GRM7: variants seen among roughly 807,000 people sequenced by gnomAD.
GRM7 encodes metabotropic glutamate receptor 7.
A neutral mutation model predicts 84.5 loss-of-function variants in GRM7; 35 were observed. The observed-to-expected ratio is 0.41, with a 90% confidence interval of 0.32 to 0.55. The LOEUF (loss-of-function observed/expected upper bound fraction) is 0.55. Ranked by LOEUF, GRM7 falls within the 20% of genes least tolerant of loss-of-function variation. GRM7 has a pLI of 0.19. For missense variants in GRM7, 1,003 were observed against 1,194.6 expected (o/e 0.84, Z 2.36); for synonymous variants, 487 against 455.1 (o/e 1.07, Z -0.89).
At chr3:7,157,714 ATTT>A (rs57023783) in intron 2 of GRM7, among the ~76,000 whole-genome samples, 5 of 146,944 alleles carry the variant, frequency 3.4e-5, no homozygotes, top group African/African-American at 1.2e-4. Context: ...ATGCTATTTC[ATTT>A]TTTTTTTTTT....
chr3:7,415,698 C>T (rs372879580), intron 5 of GRM7, among the ~76,000 whole-genome samples: 4 of 152,092 alleles, frequency 2.6e-5, no homozygotes, highest in Admixed American at 1.3e-4. Flanking sequence ...AGAAAAATCA[C>T]ACATTCATTC....
intron 5 of GRM7, among the ~76,000 whole-genome samples, chr3:7,449,228 T>TATTTATAGAAAAATA: frequency 6.6e-6 from 1 of 152,030 alleles, no homozygotes; most frequent in Non-Finnish European, 1.5e-5. Context: ...AATAACACCA[T>TATTTATAGAAAAATA]ACTTATAATA....
At chr3:7,656,232 G>T (rs1699171723) in intron 8 of GRM7, among the ~76,000 whole-genome samples, 1 of 152,096 alleles carries the variant, frequency 6.6e-6, no homozygotes, top group African/African-American at 2.4e-5. Flanking sequence ...GCTCACTCCT[G>T]TAAGCCCAGC....
chr3:6,873,906 T>A (rs1310073313), intron 1 of GRM7, among the ~76,000 whole-genome samples: 1 of 152,192 alleles, frequency 6.6e-6, no homozygotes, highest in African/African-American at 2.4e-5. Context: ...GATTGTTTCA[T>A]CTCTTCTTCA....
At chr3:7,546,047 A>C (rs2125020059) in intron 7 of GRM7, among the ~76,000 whole-genome samples, 1 of 152,302 alleles carries the variant, frequency 6.6e-6, no homozygotes, top group African/African-American at 2.4e-5. Flanking sequence ...ATTACTAATT[A>C]GTTATTATTA....
At chr3:6,891,547 G>A (rs1383202280) in intron 1 of GRM7, among the ~76,000 whole-genome samples, 3 of 152,320 alleles carry the variant, frequency 2.0e-5, no homozygotes, top group Middle Eastern at 3.4e-3. Context: ...CTTTAGGAAT[G>A]TTGAATATTG....
chr3:7,433,976 C>G (rs553057147), intron 5 of GRM7, among the ~76,000 whole-genome samples: 65 of 151,332 alleles, frequency 4.3e-4, no homozygotes, highest in Admixed American at 1.3e-3. Context: ...CATCATATAC[C>G]TCTCTGTTTA....
chr3:7,309,778 T>TC (rs1468601415), intron 4 of GRM7, among the ~76,000 whole-genome samples: 1 of 152,068 alleles, frequency 6.6e-6, no homozygotes, highest in Non-Finnish European at 1.5e-5. Context: ...GGGTGTCATT[T>TC]CCCCCCTTTC....
intron 1 of GRM7, among the ~76,000 whole-genome samples, chr3:7,002,150 T>C (rs1381387918): frequency 6.6e-6 from 1 of 152,188 alleles, no homozygotes; most frequent in Non-Finnish European, 1.5e-5. Context: ...ATAATCCTCT[T>C]TGAAGATTGA....
intron 7 of GRM7, among the ~76,000 whole-genome samples, chr3:7,572,201 T>A (rs1694696063): frequency 6.6e-6 from 1 of 152,168 alleles, no homozygotes; most frequent in Admixed American, 6.5e-5. Context: ...CATTCCAGCC[T>A]TTTGGAGATC....
intron 3 of GRM7, among the ~76,000 whole-genome samples, chr3:7,299,359 C>G (rs1699920106): frequency 6.6e-6 from 1 of 152,148 alleles, no homozygotes; most frequent in South Asian, 2.1e-4. Context: ...CACATAGAAA[C>G]AAGCTTTGAC....
chr3:7,394,242 TG>T (rs2125147169), intron 4 of GRM7, among the ~76,000 whole-genome samples: 1 of 152,310 alleles, frequency 6.6e-6, no homozygotes, highest in African/African-American at 2.4e-5. Flanking sequence ...AGACTTCAGT[TG>T]GTTCTGCTAT....
chr3:7,660,247 G>C (rs1324678184), intron 8 of GRM7, among the ~76,000 whole-genome samples: 1 of 152,150 alleles, frequency 6.6e-6, no homozygotes, highest in East Asian at 1.9e-4. Context: ...ACCAGTAGCA[G>C]GGCAGCCTAA....
At chr3:6,886,654 A>T (rs2124973329) in intron 1 of GRM7, among the ~76,000 whole-genome samples, 1 of 152,044 alleles carries the variant, frequency 6.6e-6, no homozygotes, top group South Asian at 2.1e-4. Context: ...TTATTGTCTG[A>T]TATATAGAAT....
chr3:7,084,952 G>A (rs1698393413), intron 1 of GRM7, among the ~76,000 whole-genome samples: 1 of 152,140 alleles, frequency 6.6e-6, no homozygotes, highest in Admixed American at 6.5e-5. Flanking sequence ...ATGACTAAGT[G>A]TATTTTAATG....
At chr3:6,924,461 A>C (rs1697231593) in intron 1 of GRM7, among the ~76,000 whole-genome samples, 3 of 152,190 alleles carry the variant, frequency 2.0e-5, no homozygotes, top group South Asian at 4.1e-4. Context: ...ACTTACACCA[A>C]TTAAATATGA....
At position 7,056,780 on chromosome 3, in the gene GRM7, CAGAG is replaced by C. The variant is rs889382621; in HGVS notation, c.520-89668_520-89665del. On this transcript the variant is annotated intron_variant, in intron 1 of 9. Coordinates refer to ENST00000357716, the MANE Select transcript of GRM7 (RefSeq NM_000844.4). ...TACCCATTTTCAAATAGTGGAATAA[CAGAG>C]AGAAAAACCTTGTGTATTTCGTTTT... Among the ~76,000 whole-genome samples the C allele has an allele frequency of 1.1e-4, 17 of 151,952 alleles. 1 individual carries two copies. Among genetic ancestry groups the C allele is most frequent in the African/African-American group, 3.6e-4 (15 of 41,508 alleles).
At chr3:6,998,083 C>T (rs1258124034) in intron 1 of GRM7, among the ~76,000 whole-genome samples, 2 of 90,828 alleles carry the variant, frequency 2.2e-5, no homozygotes, top group Admixed American at 1.8e-4. Context: ...TGCATCATTG[C>T]ACTCCAGCCT....
At chr3:7,266,746 A>G (rs557272637) in intron 2 of GRM7, among the ~76,000 whole-genome samples, 4 of 152,344 alleles carry the variant, frequency 2.6e-5, no homozygotes, top group South Asian at 2.1e-4. Context: ...ATTGTATCAA[A>G]TTTTGAGTTG....
Sources: gnomAD v4.1 joint callset for allele counts (sites outside exome capture counted in the v4.1 genomes callset) on GRCh38, gnomAD v4.1.1 for gene constraint, MANE v1.5 for transcripts, NCBI Gene and HGNC (gene_info 2026-07-23, HGNC 2026-07-21) for gene names.